Variants in FRMD4A observed in about 807,000 individuals in gnomAD.
FRMD4A encodes the protein FERM domain-containing protein 4A.
In FRMD4A, 29 loss-of-function variants were observed where a neutral mutation model predicts 129.1. That is an observed-to-expected ratio of 0.22 (90% CI 0.17 to 0.31). FRMD4A has a LOEUF of 0.31. FRMD4A is among the 10% of genes least tolerant of loss of function. The pLI is 1.00. For synonymous variants in FRMD4A, 634 were observed against 571.6 expected (o/e 1.11, Z -1.56); for missense variants, 1,272 against 1,375.8 (o/e 0.92, Z 1.19).
intron 9 of FRMD4A, among the ~76,000 whole-genome samples, chr10:13,741,660 C>G (rs916730464): frequency 6.6e-6 from 1 of 152,168 alleles, no homozygotes; most frequent in Admixed American, 6.5e-5. Context: ...TTGACCTTAA[C>G]CAAGTGCCCA....
intron 2 of FRMD4A, among the ~76,000 whole-genome samples, chr10:14,097,912 T>A (rs1354342650): frequency 1.4e-5 from 2 of 146,370 alleles, no homozygotes; most frequent in Non-Finnish European, 3.0e-5. Flanking sequence ...ATATAAAATA[T>A]AAATTATATA....
At chr10:13,994,013 C>CT (rs551387633) in intron 2 of FRMD4A, among the ~76,000 whole-genome samples, 2,883 of 134,538 alleles carry the variant, frequency 0.021, 107 homozygotes, top group East Asian at 0.14. Flanking sequence ...TGGGACAGTC[C>CT]TTTTTTTTTT....
chr10:13,652,684 G>A (rs925675453), intron 23 of FRMD4A, among the ~76,000 whole-genome samples: 2 of 152,204 alleles, frequency 1.3e-5, no homozygotes, highest in Non-Finnish European at 2.9e-5. Context: ...GGAACACCGA[G>A]CTGGGGCTCC....
intron 2 of FRMD4A, among the ~76,000 whole-genome samples, chr10:14,187,268 G>C (rs1256821538): frequency 6.6e-6 from 1 of 152,208 alleles, no homozygotes; most frequent in Non-Finnish European, 1.5e-5. Context: ...CTAACTCCAT[G>C]ATATCAGATC....
At chr10:14,034,056 A>C (rs901537702) in intron 2 of FRMD4A, among the ~76,000 whole-genome samples, 3 of 152,202 alleles carry the variant, frequency 2.0e-5, no homozygotes, top group African/African-American at 7.2e-5. Context: ...ACACGGGTCC[A>C]CTATGTTGTT....
chr10:14,110,523 C>T (rs1420401470), intron 2 of FRMD4A, among the ~76,000 whole-genome samples: 2 of 152,070 alleles, frequency 1.3e-5, no homozygotes, highest in Non-Finnish European at 2.9e-5. Flanking sequence ...AATAAACATT[C>T]GGGACAATGG....
chr10:13,812,634 A>G (rs905712089), intron 3 of FRMD4A, among the ~76,000 whole-genome samples: 2 of 152,222 alleles, frequency 1.3e-5, no homozygotes, highest in Admixed American at 6.5e-5. Flanking sequence ...AAAAAGCCAA[A>G]GAAGATGCTC....
intron 2 of FRMD4A, among the ~76,000 whole-genome samples, chr10:13,969,155 C>T (rs1025745552): frequency 2.0e-5 from 3 of 152,232 alleles, no homozygotes; most frequent in African/African-American, 7.2e-5. Flanking sequence ...CCTGGCTCTG[C>T]AGGCTGCTAA....
chr10:13,781,380 TTTTTTTTTTTTTTC>T (rs1401271855), intron 6 of FRMD4A, among the ~76,000 whole-genome samples: 5 of 125,704 alleles, frequency 4.0e-5, no homozygotes, highest in Admixed American at 1.5e-4. Context: ...TTTTTTTTTT[TTTTTTTTTTTTTTC>T]TGAGACAGAG....
intron 2 of FRMD4A, among the ~76,000 whole-genome samples, chr10:14,267,597 A>C (rs1449180494): frequency 1.3e-5 from 2 of 152,186 alleles, no homozygotes; most frequent in Admixed American, 6.5e-5. Flanking sequence ...ATTTTCTTTC[A>C]ACGTCTACAA....
At chr10:14,218,852 G>A (rs1429189018) in intron 2 of FRMD4A, among the ~76,000 whole-genome samples, 1 of 151,172 alleles carries the variant, frequency 6.6e-6, no homozygotes, top group Non-Finnish European at 1.5e-5. Flanking sequence ...CTATTTGGGA[G>A]GCTGAGGCAG....
intron 2 of FRMD4A, among the ~76,000 whole-genome samples, chr10:13,902,456 G>GGAGAGAGAGGGAGAGAGAGA (rs2094830397): frequency 7.8e-6 from 1 of 127,698 alleles, no homozygotes; most frequent in Non-Finnish European, 1.6e-5. Flanking sequence ...GCAAAATACT[G>GGAGAGAGAGGGAGAGAGAGA]GAGAGAGAGA....
intron 2 of FRMD4A, among the ~76,000 whole-genome samples, chr10:14,052,939 G>A (rs1043390084): frequency 1.3e-5 from 2 of 151,896 alleles, no homozygotes. Context: ...CAAGGAGGGT[G>A]CCAAGCCATG....
At chr10:13,946,584 T>C (rs2095333719) in intron 2 of FRMD4A, among the ~76,000 whole-genome samples, 1 of 152,042 alleles carries the variant, frequency 6.6e-6, no homozygotes. Flanking sequence ...TTAGTGATCC[T>C]TTACCTTGGG....
chr10:14,250,446 T>A (rs1471120014), intron 2 of FRMD4A, among the ~76,000 whole-genome samples: 2 of 152,222 alleles, frequency 1.3e-5, no homozygotes, highest in East Asian at 3.8e-4. Context: ...TGTTGCCCTA[T>A]AAAAGGATTT....
chr10:13,818,819 A>T (rs1461421628), intron 3 of FRMD4A, among the ~76,000 whole-genome samples: 1 of 152,176 alleles, frequency 6.6e-6, no homozygotes, highest in East Asian at 1.9e-4. Flanking sequence ...TCCTAATCAT[A>T]AATTATTTAA....
Position 13,670,608 on chromosome 10 carries a change from C to A in FRMD4A, c.1252-80G>T, listed in dbSNP as rs989052093. ...GCTTCCTAGAACACACACACACGCA[C>A]ATACACGCACACAAAAATGCACGCA... On this transcript the variant is annotated intron_variant, in intron 16 of 24. Coordinates refer to ENST00000357447, the MANE Select transcript of FRMD4A (RefSeq NM_018027.5). 1.7e-5 allele frequency: 25 copies of A among 1,434,590 alleles called. No individual in the cohort carries two copies. The African/African-American group carries it at 3.1e-4, about 18-fold the overall frequency. The allele number at this position is 1,434,590 out of a possible 1,614,324, so 88.9% of individuals were successfully genotyped here. A position where few individuals can be genotyped will look rare whatever the true frequency, so the allele number is the denominator to read the frequency against.
chr10:14,066,008 T>TTTTG (rs372195558), intron 2 of FRMD4A, among the ~76,000 whole-genome samples: 1 of 139,128 alleles, frequency 7.2e-6, no homozygotes, highest in African/African-American at 2.7e-5. Context: ...GGGTATGTAT[T>TTTTG]TGTGTGTGTG....
At chr10:13,671,720 T>C (rs1294669283) in intron 16 of FRMD4A, among the ~76,000 whole-genome samples, 8 of 152,220 alleles carry the variant, frequency 5.3e-5, no homozygotes, top group Admixed American at 1.3e-4. Context: ...AGTCAGTGGC[T>C]GCCCCACACT....
Sources: allele counts gnomAD v4.1 joint callset (sites outside exome capture counted in the v4.1 genomes callset), GRCh38; gene constraint gnomAD v4.1.1; transcripts MANE v1.5; gene names NCBI Gene and HGNC (gene_info 2026-07-23, HGNC 2026-07-21).